The following STMN2 variants were observed in gnomAD, a reference collection of about 807,000 sequenced individuals.
STMN2 encodes stathmin 2.
In STMN2, 2 loss-of-function variants were observed where a neutral mutation model predicts 24.1. The observed-to-expected ratio is 0.08, with a 90% CI of 0.03 to 0.26. The LOEUF (loss-of-function observed/expected upper bound fraction) is 0.26, where lower values mean the gene tolerates loss of function less well. STMN2 is among the 10% of genes least tolerant of loss of function. The pLI is 1.00. For synonymous variants in STMN2, 83 were observed against 77.5 expected (o/e 1.07, Z -0.37); for missense variants, 114 against 213.6 (o/e 0.53, Z 2.91).
intron 1 of STMN2, among the ~76,000 whole-genome samples, chr8:79,623,794 T>A (rs908153214): frequency 7.9e-5 from 12 of 151,796 alleles, no homozygotes; most frequent in African/African-American, 1.9e-4. Flanking sequence ...AAAAAAAAAA[T>A]AAACTCTAAT....
intron 1 of STMN2, among the ~76,000 whole-genome samples, chr8:79,612,614 C>T (rs1316919434): frequency 6.6e-6 from 1 of 152,186 alleles, no homozygotes; most frequent in South Asian, 2.1e-4. Context: ...GGTCTTGTGC[C>T]TTGAGTGCCC....
intron 1 of STMN2, among the ~76,000 whole-genome samples, chr8:79,618,202 T>C (rs992965570): frequency 6.6e-6 from 1 of 152,324 alleles, no homozygotes; most frequent in South Asian, 2.1e-4. Context: ...ACTTCCAAAT[T>C]GATGCCTAGT....
chr8:79,639,059 C>A (rs985362503), intron 2 of STMN2, among the ~76,000 whole-genome samples: 4 of 152,166 alleles, frequency 2.6e-5, no homozygotes, highest in African/African-American at 9.7e-5. Flanking sequence ...TCTAGACTAT[C>A]TATTAGCAGC....
chr8:79,635,258 G>A (rs1809916119), intron 1 of STMN2, among the ~76,000 whole-genome samples: 1 of 152,156 alleles, frequency 6.6e-6, no homozygotes, highest in African/African-American at 2.4e-5. Flanking sequence ...GGCAAGGTTG[G>A]CACACAAGCT....
intron 3 of STMN2, among the ~76,000 whole-genome samples, chr8:79,643,375 C>T (rs62520525): frequency 6.6e-6 from 1 of 151,838 alleles, no homozygotes; most frequent in East Asian, 1.9e-4. Flanking sequence ...GTAAGCAATA[C>T]CTAAAACAGT....
intron 1 of STMN2, chr8:79,613,383 C>T (rs1211728462): frequency 2.0e-6 from 2 of 985,320 alleles, no homozygotes; most frequent in Non-Finnish European, 2.4e-6. Flanking sequence ...CGCTCCCCTC[C>T]CCGGAGTTGG....
At chr8:79,624,403 G>A (rs1260088718) in intron 1 of STMN2, among the ~76,000 whole-genome samples, 2 of 138,444 alleles carry the variant, frequency 1.4e-5, no homozygotes, top group Admixed American at 7.9e-5. Context: ...GCAGTGAGCC[G>A]AGATTGTACC....
chr8:79,631,685 G>A lies in STMN2; in HGVS notation c.20-5117G>A, dbSNP rs142012759. On this transcript the variant is annotated intron_variant, in intron 1 of 4. Transcript: ENST00000220876. ...AAATGAAATTATTTTGGTCTATTTT[G>A]TCTTTGAAGAAGATCACAGGGATGG... is the stretch of plus-strand genomic sequence containing the variant. Among the ~76,000 whole-genome samples, 653 of 152,090 alleles carry A rather than the reference G, an allele frequency of 4.3e-3. 5 individuals carry two copies. Among genetic ancestry groups the A allele is most frequent in the African/African-American group, 0.015 (630 of 41,500 alleles).
At chr8:79,643,996 A>G (rs1395020315) in intron 3 of STMN2, among the ~76,000 whole-genome samples, 2 of 152,054 alleles carry the variant, frequency 1.3e-5, no homozygotes, top group African/African-American at 2.4e-5. Context: ...AGTTTTAATT[A>G]AAAGAAAATA....
intron 2 of STMN2, among the ~76,000 whole-genome samples, chr8:79,637,726 A>G (rs1243270342): frequency 6.6e-6 from 1 of 152,192 alleles, no homozygotes. Flanking sequence ...TAACTAAAAT[A>G]TTTTATACAG....
intron 1 of STMN2, among the ~76,000 whole-genome samples, chr8:79,633,532 G>T (rs1445995177): frequency 6.6e-6 from 1 of 152,200 alleles, no homozygotes; most frequent in African/African-American, 2.4e-5. Context: ...TTGGAAACTG[G>T]AAGTCTGAGA....
chr8:79,653,820 T>G lies in STMN2; in HGVS notation c.289-1051T>G, dbSNP rs79045192. Among the ~76,000 whole-genome samples the G allele has an allele frequency of 4.4e-3, 674 of 152,216 alleles. 43 individuals are homozygous for G. The East Asian group carries it at 0.12, about 27-fold the overall frequency. Reference sequence around the variant, plus strand: ...ATCCTGAGAAATTATCCAGAAGCCATGAGTGTGTAATAATTTAGTCTTAAA... The same window carrying G: ...ATCCTGAGAAATTATCCAGAAGCCAGGAGTGTGTAATAATTTAGTCTTAAA... On this transcript the variant is annotated intron_variant, in intron 3 of 4. Coordinates refer to ENST00000220876, the MANE Select transcript of STMN2 (RefSeq NM_007029.4).
At chr8:79,613,111 C>A (rs1456084468) in intron 1 of STMN2, among the ~76,000 whole-genome samples, 3 of 152,172 alleles carry the variant, frequency 2.0e-5, no homozygotes. Context: ...TCTTCTCGCC[C>A]ACCCACGGTC....
At chr8:79,656,737 T>G (rs17452856) in intron 4 of STMN2, among the ~76,000 whole-genome samples, 32,938 of 152,216 alleles carry the variant, frequency 0.22, 4,569 homozygotes, top group Non-Finnish European at 0.3. Flanking sequence ...TAAGTGAAGT[T>G]GCTAGGAACG....
intron 3 of STMN2, among the ~76,000 whole-genome samples, chr8:79,652,876 C>A (rs539240553): frequency 6.6e-6 from 1 of 152,136 alleles, no homozygotes; most frequent in Non-Finnish European, 1.5e-5. Flanking sequence ...CTGATAACAG[C>A]AAATAAGCAA....
At chr8:79,629,753 T>TGG (rs1442901123) in intron 1 of STMN2, among the ~76,000 whole-genome samples, 5 of 152,200 alleles carry the variant, frequency 3.3e-5, no homozygotes, top group Non-Finnish European at 5.9e-5. Context: ...AAGTACAATT[T>TGG]GTACACTACC....
chr8:79,651,340 A>G (rs995153044), intron 3 of STMN2, among the ~76,000 whole-genome samples: 1 of 152,226 alleles, frequency 6.6e-6, no homozygotes, highest in Non-Finnish European at 1.5e-5. Flanking sequence ...TTTAGCCCCA[A>G]TAGCAACAAA....
intron 1 of STMN2, among the ~76,000 whole-genome samples, chr8:79,624,453 C>CAAAAAAAAAAAAAAAAAAAAAAA (rs1011493193): frequency 2.2e-5 from 1 of 45,132 alleles, no homozygotes; most frequent in African/African-American, 7.1e-5. Context: ...GACTCCGTCT[C>CAAAAAAAAAAAAAAAAAAAAAAA]AAAAAAAAAA....
chr8:79,655,397 T>C (rs1806319687), intron 4 of STMN2, among the ~76,000 whole-genome samples: 1 of 152,140 alleles, frequency 6.6e-6, no homozygotes, highest in South Asian at 2.1e-4. Flanking sequence ...GAAATATTAA[T>C]GTCTATATAT....
Sources: gnomAD v4.1 joint callset for allele counts (sites outside exome capture counted in the v4.1 genomes callset) on GRCh38, gnomAD v4.1.1 for gene constraint, MANE v1.5 for transcripts, NCBI Gene and HGNC (gene_info 2026-07-23, HGNC 2026-07-21) for gene names.